The following ILDR1 variants were observed in gnomAD, a reference collection of about 807,000 sequenced individuals.
ILDR1 encodes the protein immunoglobulin like domain containing receptor 1.
Under a neutral mutation model 62.4 loss-of-function variants are expected in ILDR1, and 56 were observed. The ratio of observed to expected loss-of-function variants is 0.90; its 90% confidence interval spans 0.72 to 1.12. The LOEUF is 1.12. Ranked by LOEUF, ILDR1 falls within the 50% of genes most tolerant of loss-of-function variation. The pLI is 0.00. For missense variants in ILDR1, 736 were observed against 710.6 expected, an observed-to-expected ratio of 1.04 and a Z score of -0.41; for synonymous variants, 284 against 277.8, an observed-to-expected ratio of 1.02 and a Z score of -0.22.
At chr3:121,991,704 T>C (rs1385284514) in intron 7 of ILDR1, among the ~76,000 whole-genome samples, 1 of 152,218 alleles carries the variant, frequency 6.6e-6, no homozygotes, top group Non-Finnish European at 1.5e-5. Context: ...ATTACAGAAA[T>C]GTCTGCTGGT....
At chr3:122,027,646 G>A in the ILDR1 span, among the ~76,000 whole-genome samples, 101 of 152,132 alleles carry the variant, frequency 6.6e-4, no homozygotes, top group Admixed American at 1.5e-3. Context: ...TTTACAAACC[G>A]TTTCTAAAAT....
At chr3:122,022,327 C>T (rs1206834678), upstream of ILDR1, 1 of 417,718 alleles carries the variant, frequency 2.4e-6, no homozygotes, top group African/African-American at 2.1e-5. Context: ...GCCCCCGCCT[C>T]CCGGGGGACT....
chr3:122,031,844 G>C, the ILDR1 span, among the ~76,000 whole-genome samples: 1 of 152,274 alleles, frequency 6.6e-6, no homozygotes, highest in South Asian at 2.1e-4. Context: ...AAATGCAATA[G>C]GACACCAACC....
At chr3:122,009,258 A>G (rs1184056649) in intron 1 of ILDR1, among the ~76,000 whole-genome samples, 4 of 151,610 alleles carry the variant, frequency 2.6e-5, no homozygotes, top group African/African-American at 9.7e-5. Context: ...ACTAATTTCC[A>G]GGAGATGCTG....
At chr3:122,026,155 A>C (rs529991186), upstream of ILDR1, among the ~76,000 whole-genome samples, 1 of 152,346 alleles carries the variant, frequency 6.6e-6, no homozygotes, top group South Asian at 2.1e-4. Flanking sequence ...CTAAGACTTC[A>C]TGCAGGAGAC....
At chr3:122,008,608 T>C (rs2071653332) in intron 1 of ILDR1, among the ~76,000 whole-genome samples, 1 of 146,542 alleles carries the variant, frequency 6.8e-6, no homozygotes, top group African/African-American at 2.5e-5. Flanking sequence ...TTTTTTTTTT[T>C]TTTGAGATAG....
At chr3:122,039,054 C>A in the ILDR1 span, among the ~76,000 whole-genome samples, 1 of 148,322 alleles carries the variant, frequency 6.7e-6, no homozygotes, top group Non-Finnish European at 1.5e-5. Context: ...AACAGATATG[C>A]AGAGAGGAAA....
At chr3:122,037,077 C>T in the ILDR1 span, among the ~76,000 whole-genome samples, 5 of 152,246 alleles carry the variant, frequency 3.3e-5, no homozygotes, top group Non-Finnish European at 7.3e-5. Context: ...TATGGAAATG[C>T]CTGGATGTTC....
chr3:122,049,201 T>G, the ILDR1 span, among the ~76,000 whole-genome samples: 1 of 152,210 alleles, frequency 6.6e-6, no homozygotes, highest in African/African-American at 2.4e-5. Context: ...TTCCTTCTAA[T>G]ATTGATTTCT....
At chr3:122,031,133 A>G in the ILDR1 span, among the ~76,000 whole-genome samples, 1 of 152,194 alleles carries the variant, frequency 6.6e-6, no homozygotes. Flanking sequence ...AACATGTGAT[A>G]TTACATTCAG....
At position 121,993,326 on chromosome 3, in the gene ILDR1, C is replaced by T. The variant is rs1233120535; in HGVS notation, c.1423G>A (p.Gly475Ser). The T allele has an allele frequency of 9.9e-6, 16 of 1,611,390 alleles. No homozygotes were observed. Among genetic ancestry groups the T allele is most frequent in the South Asian group, 2.2e-5 (2 of 90,956 alleles). ...TCTTCAGAGCTCCAGGAACTGAGGCCGGAGGGCAAGGGAGGAGAGTAGCTG... is the reference window on the plus strand; with the variant it reads ...TCTTCAGAGCTCCAGGAACTGAGGCTGGAGGGCAAGGGAGGAGAGTAGCTG... ...HRSYSPPLPS[G>S]LSSWSSEEDK... The change falls in exon 7 of 8, where the codon GGC becomes AGC. Residue 475 changes from glycine to serine, a missense_variant. By Grantham distance (56) the Gly-to-Ser change is moderately conservative (BLOSUM62 0). Transcript: ENST00000344209.
chr3:122,013,822 A>G (rs572047642), intron 1 of ILDR1, among the ~76,000 whole-genome samples: 26 of 152,304 alleles, frequency 1.7e-4, no homozygotes, highest in African/African-American at 6.3e-4. Flanking sequence ...GGCATGCAAC[A>G]CTTAACAGTG....
chr3:122,000,434 C>T (rs1033984561), intron 5 of ILDR1, among the ~76,000 whole-genome samples: 10 of 152,162 alleles, frequency 6.6e-5, no homozygotes, highest in African/African-American at 1.4e-4. Context: ...CTGCTGAAGA[C>T]GGAGGTCCTG....
chr3:122,025,007 G>A (rs2071908421), upstream of ILDR1, among the ~76,000 whole-genome samples: 1 of 152,150 alleles, frequency 6.6e-6, no homozygotes, highest in Admixed American at 6.5e-5. Flanking sequence ...TCCCACATGT[G>A]CCATTCGTCC....
the ILDR1 span, among the ~76,000 whole-genome samples, chr3:122,047,385 C>T: frequency 6.6e-6 from 1 of 152,246 alleles, no homozygotes; most frequent in African/African-American, 2.4e-5. Context: ...TGTGCCCTGC[C>T]CCCAGAGGTG....
At chr3:122,021,966 A>T (rs1267630122) in intron 1 of ILDR1, 54 bp downstream of exon 1, 1 of 1,547,828 alleles carries the variant, frequency 6.5e-7, no homozygotes, top group Non-Finnish European at 8.8e-7. Context: ...GCCACGCCAC[A>T]ATGGCTTCCT....
At chr3:122,025,766 G>T (rs373140649), upstream of ILDR1, among the ~76,000 whole-genome samples, 1 of 152,130 alleles carries the variant, frequency 6.6e-6, no homozygotes, top group Admixed American at 6.5e-5. Flanking sequence ...TGAAGAATCA[G>T]GTAAGTAAAA....
the ILDR1 span, chr3:122,055,437 C>T: frequency 6.3e-7 from 1 of 1,593,600 alleles, no homozygotes; most frequent in South Asian, 1.1e-5. Context: ...AGCACAGACA[C>T]ACGGATGAGT....
At chr3:121,992,701 G>A (rs2071367614) in intron 7 of ILDR1, among the ~76,000 whole-genome samples, 1 of 152,192 alleles carries the variant, frequency 6.6e-6, no homozygotes, top group African/African-American at 2.4e-5. Context: ...CTTAACAAGT[G>A]TCTTCTGTCA....
Sources: gnomAD v4.1 joint callset for allele counts (sites outside exome capture counted in the v4.1 genomes callset) on GRCh38, gnomAD v4.1.1 for gene constraint, MANE v1.5 for transcripts, NCBI Gene and HGNC (gene_info 2026-07-23, HGNC 2026-07-21) for gene names.